PPP2R2B: variants seen among roughly 807,000 people sequenced by gnomAD.
The protein encoded by PPP2R2B is protein phosphatase 2 regulatory subunit Bbeta.
In PPP2R2B, 5 loss-of-function variants were observed where a neutral mutation model predicts 46.0. That is an observed-to-expected ratio of 0.11 (90% CI 0.06 to 0.23). The LOEUF is 0.23. PPP2R2B is among the 10% of genes least tolerant of loss of function. PPP2R2B has a pLI of 1.00. For synonymous variants in PPP2R2B, 215 were observed against 206.7 expected (o/e 1.04, Z -0.34); for missense variants, 367 against 575.0 (o/e 0.64, Z 3.70).
chr5:146,817,664 A>G (rs1462443700), intron 2 of PPP2R2B, among the ~76,000 whole-genome samples: 5 of 152,140 alleles, frequency 3.3e-5, no homozygotes, highest in African/African-American at 9.7e-5. Flanking sequence ...GTTGTAAAAT[A>G]TTTTTCAAAA....
chr5:146,598,554 T>G (rs1343954287), intron 8 of PPP2R2B, among the ~76,000 whole-genome samples: 1 of 152,196 alleles, frequency 6.6e-6, no homozygotes, highest in Non-Finnish European at 1.5e-5. Context: ...TTTGGATGTT[T>G]AATTGGCTTA....
intron 2 of PPP2R2B, among the ~76,000 whole-genome samples, chr5:146,789,830 G>A (rs1363873383): frequency 6.6e-6 from 1 of 152,210 alleles, no homozygotes; most frequent in African/African-American, 2.4e-5. Flanking sequence ...ACATAAGAAT[G>A]TCTGTGGATA....
At chr5:146,644,085 A>G (rs1775409976) in intron 6 of PPP2R2B, among the ~76,000 whole-genome samples, 1 of 152,202 alleles carries the variant, frequency 6.6e-6, no homozygotes, top group African/African-American at 2.4e-5. Context: ...TTAGCAGAGT[A>G]AGAGGTGAAT....
At chr5:147,066,377 C>T (rs1374364424) in intron 2 of PPP2R2B, among the ~76,000 whole-genome samples, 1 of 152,010 alleles carries the variant, frequency 6.6e-6, no homozygotes, top group African/African-American at 2.4e-5. Flanking sequence ...TCACAAGAGC[C>T]CTGGATGTAG....
chr5:146,739,076 G>C (rs550001154), intron 2 of PPP2R2B, among the ~76,000 whole-genome samples: 1 of 151,962 alleles, frequency 6.6e-6, no homozygotes, highest in African/African-American at 2.4e-5. Flanking sequence ...CTGGAGTGTA[G>C]TGGTGTGATC....
At chr5:147,070,492 G>T (rs1440938270) in intron 2 of PPP2R2B, among the ~76,000 whole-genome samples, 3 of 152,154 alleles carry the variant, frequency 2.0e-5, no homozygotes, top group African/African-American at 7.2e-5. Context: ...AATAGCATAG[G>T]CAGTAAGTAG....
In PPP2R2B at chr5:146,613,576, G is replaced by T. The variant is rs1406642081; in HGVS notation, c.791-13116C>A. Among the ~76,000 whole-genome samples the T allele has an allele frequency of 4.4e-5, 5 of 114,550 alleles. No homozygotes were observed. The South Asian group carries it at 1.8e-3, about 41-fold the overall frequency. 75.1% of individuals were successfully genotyped at this position (114,550 alleles called of 152,430 possible). ...AGTCAAATTGTCCCTGTTTGCAGAC[G>T]ACATGACTGTTTATCTAGAAAACCC... is the stretch of plus-strand genomic sequence containing the variant. On this transcript the variant is annotated intron_variant, in intron 7 of 9. Coordinates refer to ENST00000394411, the MANE Select transcript of PPP2R2B (RefSeq NM_181675.4).
At chr5:147,038,057 G>C (rs560473581) in intron 1 of PPP2R2B, among the ~76,000 whole-genome samples, 1 of 152,184 alleles carries the variant, frequency 6.6e-6, no homozygotes, top group Non-Finnish European at 1.5e-5. Flanking sequence ...TTGTGTTATG[G>C]GATACTTTTA....
chr5:146,762,654 T>C (rs184549583), intron 2 of PPP2R2B, among the ~76,000 whole-genome samples: 1 of 152,330 alleles, frequency 6.6e-6, no homozygotes, highest in Admixed American at 6.5e-5. Context: ...GCACAGAACT[T>C]GAAGTACAGT....
intron 2 of PPP2R2B, among the ~76,000 whole-genome samples, chr5:147,061,536 G>T (rs147597651): frequency 7.1e-4 from 108 of 152,250 alleles, no homozygotes; most frequent in East Asian, 6.8e-3. Flanking sequence ...GGGACACAGG[G>T]TATGTTGTCT....
At chr5:147,022,781 C>G (rs1755343325) in intron 1 of PPP2R2B, among the ~76,000 whole-genome samples, 1 of 151,768 alleles carries the variant, frequency 6.6e-6, no homozygotes, top group Admixed American at 6.6e-5. Flanking sequence ...ATAAACAGAG[C>G]AAACCATAAG....
chr5:147,071,040 A>G (rs1757579140), intron 2 of PPP2R2B, among the ~76,000 whole-genome samples: 1 of 152,168 alleles, frequency 6.6e-6, no homozygotes, highest in Non-Finnish European at 1.5e-5. Flanking sequence ...CAAAGGGGAC[A>G]TCAAAAGAAA....
chr5:146,975,388 TG>T (rs1169776320), intron 1 of PPP2R2B, among the ~76,000 whole-genome samples: 1 of 152,266 alleles, frequency 6.6e-6, no homozygotes, highest in Non-Finnish European at 1.5e-5. Flanking sequence ...TTCCACATTT[TG>T]TTTATCTATT....
intron 2 of PPP2R2B, among the ~76,000 whole-genome samples, chr5:146,813,748 C>T (rs990267260): frequency 2.0e-5 from 3 of 151,940 alleles, no homozygotes; most frequent in Admixed American, 6.6e-5. Flanking sequence ...CCCAAATAGC[C>T]GAATAATCAA....
At chr5:146,857,902 G>T (rs1253826690) in intron 2 of PPP2R2B, among the ~76,000 whole-genome samples, 1 of 152,090 alleles carries the variant, frequency 6.6e-6, no homozygotes, top group Non-Finnish European at 1.5e-5. Flanking sequence ...GGTCAGGCTG[G>T]TCTCGAACTC....
chr5:147,064,584 A>G (rs1005264741), intron 2 of PPP2R2B, among the ~76,000 whole-genome samples: 6 of 152,384 alleles, frequency 3.9e-5, no homozygotes, highest in African/African-American at 1.2e-4. Flanking sequence ...TATTTTGATT[A>G]GAATAAAGAA....
intron 1 of PPP2R2B, among the ~76,000 whole-genome samples, chr5:146,957,194 G>C (rs1582495668): frequency 6.6e-6 from 1 of 152,078 alleles, no homozygotes; most frequent in Admixed American, 6.5e-5. Flanking sequence ...AAAATGGAGG[G>C]GACATACACT....
chr5:146,735,012 T>G (rs2151211958), intron 2 of PPP2R2B, among the ~76,000 whole-genome samples: 1 of 151,946 alleles, frequency 6.6e-6, no homozygotes. Flanking sequence ...AGGCCAAGGG[T>G]TAATGTGTAA....
At chr5:147,014,853 G>A (rs1370913864) in intron 1 of PPP2R2B, among the ~76,000 whole-genome samples, 2 of 151,612 alleles carry the variant, frequency 1.3e-5, no homozygotes, top group African/African-American at 4.8e-5. Context: ...CCTGCACAAT[G>A]TGCACATGTA....
Sources: allele counts gnomAD v4.1 joint callset (sites outside exome capture counted in the v4.1 genomes callset), GRCh38; gene constraint gnomAD v4.1.1; transcripts MANE v1.5; gene names NCBI Gene and HGNC (gene_info 2026-07-23, HGNC 2026-07-21).